Variants in CACNA1E observed in about 807,000 individuals in gnomAD.
CACNA1E encodes the protein calcium voltage-gated channel subunit alpha1 E.
Under a neutral mutation model 259.2 loss-of-function variants are expected in CACNA1E, and 40 were observed. The ratio of observed to expected loss-of-function variants is 0.15; its 90% CI spans 0.12 to 0.20. The LOEUF (loss-of-function observed/expected upper bound fraction) is 0.20, where lower values mean the gene tolerates loss of function less well. Ranked by LOEUF, CACNA1E falls within the 10% of genes least tolerant of loss-of-function variation. CACNA1E has a pLI of 1.00. For missense variants in CACNA1E, 1,874 were observed against 3,040.1 expected (o/e 0.62, Z 9.02); for synonymous variants, 1,104 against 1,138.5 (o/e 0.97, Z 0.61).
rs374268411 is a variant in CACNA1E at position 181,752,047 on chromosome 1, T to A, written c.3732-96T>A. 89 of 882,542 alleles carry A rather than the reference T, an allele frequency of 1.0e-4. 1 individual carries two copies. The East Asian group carries it at 1.1e-3, about 10-fold the overall frequency. The allele number at this position is 882,542 out of a possible 1,614,324, so 54.7% of individuals were successfully genotyped here. The stretch of plus-strand genomic sequence containing the variant: ...TGCCTCCATCTCTCCCATACATCTC[T>A]CCCCTTTTAGCCTGTTGTTACTAAT... On this transcript the variant is annotated intron_variant, in intron 26 of 47. Transcript: ENST00000367573.
intron 6 of CACNA1E, among the ~76,000 whole-genome samples, chr1:181,638,921 T>G (rs1657482806): frequency 6.6e-6 from 1 of 152,198 alleles, no homozygotes; most frequent in Non-Finnish European, 1.5e-5. Flanking sequence ...CAGTTAAACC[T>G]CTTTCCTTAT....
At chr1:181,343,057 G>A (rs1006335371) in intron 1 of CACNA1E, among the ~76,000 whole-genome samples, 5 of 152,016 alleles carry the variant, frequency 3.3e-5, no homozygotes, top group East Asian at 1.9e-4. Context: ...GCCACAGGAC[G>A]TGCCCACAGA....
chr1:181,456,761 C>T (rs144327005), intron 2 of CACNA1E, among the ~76,000 whole-genome samples: 121 of 152,310 alleles, frequency 7.9e-4, no homozygotes, highest in Middle Eastern at 6.8e-3. Flanking sequence ...GTCTCCCTCT[C>T]TCTCTCACTC....
intron 3 of CACNA1E, among the ~76,000 whole-genome samples, chr1:181,520,162 A>G (rs1211469222): frequency 6.6e-6 from 1 of 152,242 alleles, no homozygotes; most frequent in East Asian, 1.9e-4. Flanking sequence ...ATGTAAGGCA[A>G]TAGTGATATT....
chr1:181,366,718 C>G lies in CACNA1E; in HGVS notation c.-14-46415C>G, dbSNP rs1225727281. Among the ~76,000 whole-genome samples the G allele has an allele frequency of 2.6e-5, 4 of 152,196 alleles. No homozygotes were observed. In the East Asian group the frequency reaches 7.7e-4, roughly 29 times the overall value. ...GTGTGACCCCAGACAACTTGCTTCA[C>G]TTCTCTGAACCTGAGACCTGCCTCA... On this transcript the variant is annotated intron_variant, in intron 1 of 11. Coordinates refer to the CACNA1E transcript ENST00000524607.
At chr1:181,390,655 C>G (rs945055955) in intron 1 of CACNA1E, among the ~76,000 whole-genome samples, 1 of 152,098 alleles carries the variant, frequency 6.6e-6, no homozygotes, top group African/African-American at 2.4e-5. Flanking sequence ...AGCCTGAAAT[C>G]TGTTGCCTAG....
intron 3 of CACNA1E, among the ~76,000 whole-genome samples, chr1:181,553,707 C>T (rs531137594): frequency 6.6e-5 from 10 of 152,120 alleles, no homozygotes; most frequent in African/African-American, 2.4e-4. Flanking sequence ...GAGTTTTTAG[C>T]ATGAAGGGAT....
At chr1:181,567,903 T>C (rs1650004057) in intron 3 of CACNA1E, among the ~76,000 whole-genome samples, 1 of 152,196 alleles carries the variant, frequency 6.6e-6, no homozygotes, top group Non-Finnish European at 1.5e-5. Flanking sequence ...TAAAGAGTAC[T>C]GTTTTATGAA....
intron 1 of CACNA1E, among the ~76,000 whole-genome samples, chr1:181,363,286 C>A (rs1002928874): frequency 4.6e-5 from 7 of 152,194 alleles, no homozygotes; most frequent in Admixed American, 3.3e-4. Context: ...TTGTGAATAC[C>A]TGCCAAAATG....
intron 1 of CACNA1E, among the ~76,000 whole-genome samples, chr1:181,344,912 T>C (rs1483169643): frequency 6.6e-6 from 1 of 152,216 alleles, no homozygotes; most frequent in Non-Finnish European, 1.5e-5. Flanking sequence ...GCCATTCTTG[T>C]AATTATGCCA....
chr1:181,555,065 C>T (rs913783402), intron 3 of CACNA1E, among the ~76,000 whole-genome samples: 5 of 152,204 alleles, frequency 3.3e-5, no homozygotes, highest in Admixed American at 3.3e-4. Context: ...AAGTGCTTCT[C>T]AGACTTCAGT....
chr1:181,751,012 G>T (rs561018939), intron 26 of CACNA1E, among the ~76,000 whole-genome samples: 4 of 152,024 alleles, frequency 2.6e-5, no homozygotes, highest in South Asian at 2.1e-4. Context: ...TCGCAGGAAG[G>T]TCAGGGGGAA....
At chr1:181,415,455 G>T (rs573961648) in intron 2 of CACNA1E, among the ~76,000 whole-genome samples, 1 of 152,278 alleles carries the variant, frequency 6.6e-6, no homozygotes, top group African/African-American at 2.4e-5. Context: ...GCCTTTAGGG[G>T]TGTGGCAGTG....
chr1:181,604,977 G>T lies in CACNA1E; in HGVS notation c.951+24201G>T, dbSNP rs1206505078. Among the ~76,000 whole-genome samples, 26 of 152,168 alleles carry T rather than the reference G, an allele frequency of 1.7e-4. 1 individual carries two copies. The highest frequency in any genetic ancestry group is 1.6e-3 in the Admixed American group (25 of 15,280). ...GGCCTCATTTGTCACTCTGAGTCAG[G>T]AGGAGGAACGGGCAGTTATTTGTCT... On this transcript the variant is annotated intron_variant, in intron 6 of 47. Transcript: ENST00000367573.
chr1:181,730,254 C>A (rs1185324522), intron 18 of CACNA1E, among the ~76,000 whole-genome samples: 1 of 152,232 alleles, frequency 6.6e-6, no homozygotes, highest in East Asian at 1.9e-4. Flanking sequence ...CATTTGCCAA[C>A]ATCCCAGGTC....
At chr1:181,628,193 C>G (rs772016094) in intron 6 of CACNA1E, among the ~76,000 whole-genome samples, 5 of 152,188 alleles carry the variant, frequency 3.3e-5, no homozygotes, top group Non-Finnish European at 5.9e-5. Context: ...TGATTCAGGA[C>G]TGATCACTGG....
intron 3 of CACNA1E, among the ~76,000 whole-genome samples, chr1:181,547,925 G>A (rs1031230485): frequency 3.9e-5 from 6 of 152,130 alleles, no homozygotes; most frequent in Admixed American, 2.0e-4. Flanking sequence ...TAGGCATAGA[G>A]GAGAACTTAC....
At chr1:181,761,020 T>A (rs539517218) in intron 32 of CACNA1E, among the ~76,000 whole-genome samples, 1 of 152,330 alleles carries the variant, frequency 6.6e-6, no homozygotes, top group Admixed American at 6.5e-5. Context: ...ATTCGGAGAC[T>A]TAATTTAGCT....
rs1008471650 is a variant in CACNA1E at position 181,800,005 on chromosome 1, A to T, written c.*1171A>T. ...ACTCCTCTGAGAGGGCAGAACACAC[A>T]TATCCAAGTAGGCTACCCACCACTG... is the stretch of plus-strand genomic sequence containing the variant. On this transcript the variant is annotated 3_prime_UTR_variant, in exon 48 of 48. Transcript: ENST00000367573. 6.6e-6 allele frequency: 1 copy of T among 152,412 alleles called. No individual in the cohort carries two copies. The highest frequency in any genetic ancestry group is 2.4e-5 in the African/African-American group (1 of 41,452). 9.4% of individuals were successfully genotyped at this position (152,412 alleles called of 1,614,324 possible).
Sources: gnomAD v4.1 joint callset for allele counts (sites outside exome capture counted in the v4.1 genomes callset) on GRCh38, gnomAD v4.1.1 for gene constraint, MANE v1.5 for transcripts, NCBI Gene and HGNC (gene_info 2026-07-23, HGNC 2026-07-21) for gene names.